Variants in TLK2 observed in about 807,000 individuals in gnomAD.
The protein encoded by TLK2 is tousled like kinase 2.
Under a neutral mutation model 117.3 loss-of-function variants are expected in TLK2, and 6 were observed. The observed-to-expected ratio is 0.05, with a 90% CI of 0.03 to 0.10. The LOEUF (loss-of-function observed/expected upper bound fraction) is 0.10. Among genes scored for constraint, TLK2 ranks in the 10% least tolerant of loss-of-function variants. The pLI is 1.00. For synonymous variants in TLK2, 257 were observed against 316.7 expected, an observed-to-expected ratio of 0.81 and a Z score of 2.00; for missense variants, 299 against 901.2, an observed-to-expected ratio of 0.33 and a Z score of 8.56.
chr17:62,604,707 G>A (rs1163732927), intron 19 of TLK2, among the ~76,000 whole-genome samples: 4 of 151,338 alleles, frequency 2.6e-5, no homozygotes, highest in African/African-American at 7.3e-5. Context: ...TCAAGAGATC[G>A]AGACCATCCT....
chr17:62,590,462 C>T (rs74424445), intron 16 of TLK2, among the ~76,000 whole-genome samples: 118 of 152,132 alleles, frequency 7.8e-4, no homozygotes, highest in African/African-American at 2.6e-3. Flanking sequence ...AACAGCAGCA[C>T]GCTTATTTTA....
intron 2 of TLK2, among the ~76,000 whole-genome samples, chr17:62,512,476 G>A (rs1186951173): frequency 6.6e-6 from 1 of 151,952 alleles, no homozygotes; most frequent in African/African-American, 2.4e-5. Context: ...GCCTGCCTCA[G>A]CCTCCCAAAG....
chr17:62,591,269 A>G (rs1347423210), intron 16 of TLK2, among the ~76,000 whole-genome samples: 1 of 151,858 alleles, frequency 6.6e-6, no homozygotes, highest in East Asian at 1.9e-4. Context: ...GAGAAAGAAA[A>G]TCTGTATGTT....
intron 1 of TLK2, 31 bp from the exon 2 acceptor site, chr17:62,481,088 TTA>T (rs1189388004): frequency 1.2e-6 from 2 of 1,609,050 alleles, no homozygotes; most frequent in Non-Finnish European, 1.7e-6. Context: ...ATTTTAGTGT[TTA>T]TGGTTTCACA....
At chr17:62,587,410 T>C (rs1224496872) in intron 16 of TLK2, among the ~76,000 whole-genome samples, 1 of 152,184 alleles carries the variant, frequency 6.6e-6, no homozygotes, top group Non-Finnish European at 1.5e-5. Flanking sequence ...TGGTTTTTTT[T>C]GGTGTTTTGT....
chr17:62,503,052 CTTTTTTT>C (rs535547546), intron 2 of TLK2, among the ~76,000 whole-genome samples: 9 of 87,164 alleles, frequency 1.0e-4, no homozygotes, highest in African/African-American at 1.3e-4. Flanking sequence ...TTTGGCTTAA[CTTTTTTT>C]TTTTTTTTTT....
intron 2 of TLK2, among the ~76,000 whole-genome samples, chr17:62,519,877 AGGCTGTATC>A (rs1481983090): frequency 6.6e-6 from 1 of 152,140 alleles, no homozygotes; most frequent in African/African-American, 2.4e-5. Context: ...TCTACAGTCT[AGGCTGTATC>A]TTCATTACAT....
At chr17:62,523,377 G>A (rs961002537) in intron 5 of TLK2, among the ~76,000 whole-genome samples, 200 bp downstream of exon 5, 34 of 152,064 alleles carry the variant, frequency 2.2e-4, no homozygotes, top group African/African-American at 5.6e-4. Flanking sequence ...CCATGAGTTC[G>A]AGGCCAACCT....
At chr17:62,603,053 A>G (rs188354259) in intron 19 of TLK2, among the ~76,000 whole-genome samples, 9 of 152,314 alleles carry the variant, frequency 5.9e-5, no homozygotes, top group Non-Finnish European at 1.2e-4. Context: ...AGAAGGCTCT[A>G]TAGCACCAAC....
chr17:62,536,161 G>A lies in TLK2; in HGVS notation c.364-9G>A. On this transcript the variant is annotated splice_polypyrimidine_tract_variant and intron_variant, in intron 6 of 21. Coordinates refer to ENST00000346027, the MANE Select transcript of TLK2 (RefSeq NM_006852.6). ...CATGTCATTTGTGTGTTTCTTTACT[G>A]TTTTCCAGCGACGAGTAGAACAGCC... 1 of 1,609,506 alleles carries A rather than the reference G, an allele frequency of 6.2e-7. No homozygotes were observed. The highest frequency in any genetic ancestry group is 1.3e-5 in the African/African-American group (1 of 74,884).
chr17:62,491,439 A>T (rs2073100755), intron 2 of TLK2, among the ~76,000 whole-genome samples: 1 of 152,080 alleles, frequency 6.6e-6, no homozygotes, highest in South Asian at 2.1e-4. Flanking sequence ...ACTTAGTTCT[A>T]TTCTTCCTCT....
intron 1 of TLK2, among the ~76,000 whole-genome samples, chr17:62,480,719 G>T (rs1598089591): frequency 6.6e-6 from 1 of 152,188 alleles, no homozygotes; most frequent in African/African-American, 2.4e-5. Context: ...ACTACTTCCT[G>T]AGTGGGAAAT....
rs200235815 is a variant in TLK2 at position 62,573,385 on chromosome 17, G to A, written c.1121+18G>A. On this transcript the variant is annotated intron_variant, in intron 12 of 21. Transcript: ENST00000346027. ...AATGAAACGTATGTTCTTTATTGAC[G>A]TGAACGCTGAGACACCACACCCTGC... The A allele has an allele frequency of 9.3e-6, 15 of 1,612,662 alleles. No homozygotes were observed. The highest frequency in any genetic ancestry group is 1.7e-4 in the Middle Eastern group (1 of 6,056).
At chr17:62,575,381 G>A (rs956825210) in intron 12 of TLK2, among the ~76,000 whole-genome samples, 1 of 152,054 alleles carries the variant, frequency 6.6e-6, no homozygotes, top group African/African-American at 2.4e-5. Flanking sequence ...TCTGTTTTTC[G>A]CTGGTGTGGA....
chr17:62,522,872 C>T (rs2076135731), intron 4 of TLK2, among the ~76,000 whole-genome samples: 2 of 152,018 alleles, frequency 1.3e-5, no homozygotes, highest in Non-Finnish European at 2.9e-5. Flanking sequence ...TCTTTGGGAG[C>T]AAAATTCTCC....
chr17:62,471,461 A>G lies in TLK2; in HGVS notation c.-205+383A>G, dbSNP rs557998275. Reference sequence around the variant, plus strand: ...AATCTAATTAAGGCAAAAAGGCATCAGAGAATTGCAGGGCCTTTCCTTTAT... The same window carrying G: ...AATCTAATTAAGGCAAAAAGGCATCGGAGAATTGCAGGGCCTTTCCTTTAT... On this transcript the variant is annotated intron_variant, in intron 1 of 4. Transcript: ENST00000579450. Among the ~76,000 whole-genome samples the G allele has an allele frequency of 1.8e-4, 28 of 152,316 alleles. No individual in the cohort carries two copies. In the East Asian group the frequency reaches 5.4e-3, roughly 29 times the overall value.
Position 62,569,085 on chromosome 17 carries a change from T to A in TLK2, c.968+3948T>A, listed in dbSNP as rs187604364. ...TTTGGGAGGTCGAGGTGGGTGCATA[T>A]CCTGAGGTCAGGAGTTCGAGACCAG... On this transcript the variant is annotated intron_variant, in intron 11 of 21. Coordinates refer to ENST00000346027, the MANE Select transcript of TLK2 (RefSeq NM_006852.6). 3.4e-3 allele frequency among the ~76,000 whole-genome samples: 521 copies of A among 151,286 alleles called. 6 individuals are homozygous for A. The highest frequency in any genetic ancestry group is 0.012 in the African/African-American group (505 of 41,280).
chr17:62,538,812 G>A (rs1449344698), intron 7 of TLK2, among the ~76,000 whole-genome samples: 1 of 152,198 alleles, frequency 6.6e-6, no homozygotes, highest in Admixed American at 6.5e-5. Flanking sequence ...AGCAGTACCA[G>A]CCAGCATATA....
At position 62,586,119 on chromosome 17, in the gene TLK2, T is replaced by C. The variant is rs1040449095; in HGVS notation, c.1369-16T>C. ...TTCTTAACATTTACCCAGTATATAA[T>C]TTATTCTCTTTATAGGCATTTGATC... On this transcript the variant is annotated splice_polypyrimidine_tract_variant and intron_variant, in intron 15 of 21. Transcript: ENST00000346027. The C allele has an allele frequency of 3.8e-6, 6 of 1,593,458 alleles. No individual in the cohort carries two copies. In the Admixed American group the frequency reaches 8.8e-5, roughly 23 times the overall value.
Sources: gnomAD v4.1 joint callset for allele counts (sites outside exome capture counted in the v4.1 genomes callset) on GRCh38, gnomAD v4.1.1 for gene constraint, MANE v1.5 for transcripts, NCBI Gene and HGNC (gene_info 2026-07-23, HGNC 2026-07-21) for gene names.